The following CDH9 variants were observed in gnomAD, a reference collection of about 807,000 sequenced individuals.
CDH9 encodes the protein cadherin-9.
CDH9 carries 28 observed loss-of-function variants against 70.9 expected under a neutral mutation model. The observed-to-expected ratio is 0.40, with a 90% confidence interval of 0.29 to 0.54. The LOEUF is 0.54. Ranked by LOEUF, CDH9 falls within the 20% of genes least tolerant of loss-of-function variation. The probability of loss-of-function intolerance (pLI) is 0.59; values close to 1 mark genes in which losing one functional copy is unlikely to be tolerated. For synonymous variants in CDH9, 409 were observed against 343.1 expected (o/e 1.19, Z -2.12); for missense variants, 874 against 984.4 (o/e 0.89, Z 1.50).
chr5:26,935,520 T>C (rs1262613766), intron 2 of CDH9, among the ~76,000 whole-genome samples: 1 of 152,182 alleles, frequency 6.6e-6, no homozygotes, highest in Non-Finnish European at 1.5e-5. Context: ...CTTCTGGATC[T>C]AATCAGTGAA....
intron 2 of CDH9, among the ~76,000 whole-genome samples, chr5:26,919,893 C>G (rs75437740): frequency 6.6e-6 from 1 of 152,234 alleles, no homozygotes; most frequent in Non-Finnish European, 1.5e-5. Flanking sequence ...CAGTGGTAGG[C>G]AAGCAACACT....
chr5:26,996,055 C>T (rs919629107), intron 1 of CDH9, among the ~76,000 whole-genome samples: 75 of 151,994 alleles, frequency 4.9e-4, no homozygotes, highest in African/African-American at 1.8e-3. Flanking sequence ...ATATAAAATG[C>T]ACATCTAAAA....
At chr5:26,929,412 A>G (rs1741400635) in intron 2 of CDH9, among the ~76,000 whole-genome samples, 1 of 152,084 alleles carries the variant, frequency 6.6e-6, no homozygotes, top group African/African-American at 2.4e-5. Flanking sequence ...TAGTACCAAC[A>G]CTGTGGAAAG....
intron 1 of CDH9, among the ~76,000 whole-genome samples, chr5:27,002,235 C>G (rs569882511): frequency 6.6e-6 from 1 of 152,242 alleles, no homozygotes; most frequent in Admixed American, 6.5e-5. Context: ...CATCTCACAC[C>G]AGTTAGAATG....
intron 2 of CDH9, among the ~76,000 whole-genome samples, chr5:26,984,579 T>A (rs1419953773): frequency 6.6e-6 from 1 of 152,142 alleles, no homozygotes; most frequent in Non-Finnish European, 1.5e-5. Flanking sequence ...GACTTTGAAC[T>A]TATGTATAAC....
chr5:26,999,614 C>T (rs1487293283), intron 1 of CDH9, among the ~76,000 whole-genome samples: 1 of 152,002 alleles, frequency 6.6e-6, no homozygotes, highest in African/African-American at 2.4e-5. Flanking sequence ...GGGACAAAGG[C>T]AATTCAATGT....
At chr5:26,936,523 A>T (rs1176354056) in intron 2 of CDH9, among the ~76,000 whole-genome samples, 1 of 152,182 alleles carries the variant, frequency 6.6e-6, no homozygotes, top group East Asian at 1.9e-4. Flanking sequence ...AATTCCACTC[A>T]AAGTTAAAGC....
intron 1 of CDH9, among the ~76,000 whole-genome samples, chr5:27,035,706 GTGTGGGT>G (rs1743381994): frequency 6.7e-6 from 1 of 149,956 alleles, no homozygotes; most frequent in Non-Finnish European, 1.5e-5. Context: ...GTGTGTGTGT[GTGTGGGT>G]GTGTGTGGGT....
intron 1 of CDH9, among the ~76,000 whole-genome samples, chr5:27,016,270 G>C (rs539248778): frequency 6.6e-6 from 1 of 151,880 alleles, no homozygotes; most frequent in East Asian, 1.9e-4. Context: ...ACATTTAAAA[G>C]TCATTTTTAT....
chr5:26,924,303 G>T (rs1277061395), intron 2 of CDH9, among the ~76,000 whole-genome samples: 1 of 151,716 alleles, frequency 6.6e-6, no homozygotes, highest in African/African-American at 2.4e-5. Context: ...TAGAAGAAAT[G>T]AATAAATTTC....
chr5:27,009,406 G>A (rs1742919324), intron 1 of CDH9, among the ~76,000 whole-genome samples: 1 of 152,146 alleles, frequency 6.6e-6, no homozygotes, highest in Non-Finnish European at 1.5e-5. Flanking sequence ...ACCTCTAAAA[G>A]GAGAAGAAAG....
chr5:26,965,856 C>T (rs1050450689), intron 2 of CDH9, among the ~76,000 whole-genome samples: 2 of 152,032 alleles, frequency 1.3e-5, no homozygotes, highest in Non-Finnish European at 2.9e-5. Flanking sequence ...ACATCAAACT[C>T]ATAGACATTA....
At chr5:26,940,956 C>T (rs139456146) in intron 2 of CDH9, among the ~76,000 whole-genome samples, 285 of 152,234 alleles carry the variant, frequency 1.9e-3, no homozygotes, top group African/African-American at 6.0e-3. Flanking sequence ...AGGCTGAAGC[C>T]GATGTAATAG....
chr5:26,948,650 G>C (rs1382935), intron 2 of CDH9, among the ~76,000 whole-genome samples: 18,925 of 152,014 alleles, frequency 0.12, 3,921 homozygotes, highest in African/African-American at 0.43. Context: ...GTTTTCTACT[G>C]AAGATACAGG....
At chr5:26,931,533 G>C (rs1741461856) in intron 2 of CDH9, among the ~76,000 whole-genome samples, 1 of 152,254 alleles carries the variant, frequency 6.6e-6, no homozygotes, top group Non-Finnish European at 1.5e-5. Context: ...CAAAAATCAT[G>C]CATTAGAAGT....
intron 2 of CDH9, among the ~76,000 whole-genome samples, chr5:26,971,379 T>C (rs559425047): frequency 2.2e-4 from 33 of 152,222 alleles, no homozygotes; most frequent in African/African-American, 7.5e-4. Flanking sequence ...ACTACAGAAA[T>C]GTATTTTCAC....
intron 2 of CDH9, among the ~76,000 whole-genome samples, chr5:26,968,741 T>A (rs1742169612): frequency 6.6e-6 from 1 of 150,814 alleles, no homozygotes; most frequent in South Asian, 2.1e-4. Context: ...CAAGGGAAGC[T>A]TCTAGAATTC....
At chr5:27,032,579 C>A (rs1743327045) in intron 1 of CDH9, among the ~76,000 whole-genome samples, 1 of 151,532 alleles carries the variant, frequency 6.6e-6, no homozygotes, top group Non-Finnish European at 1.5e-5. Context: ...CCACTCCCTG[C>A]TTAATACATG....
At chr5:26,899,909 A>C (rs568122751) in intron 7 of CDH9, among the ~76,000 whole-genome samples, 1 of 151,740 alleles carries the variant, frequency 6.6e-6, no homozygotes. Flanking sequence ...AATATATAAA[A>C]CCAGAAGTTA....
Sources: allele counts gnomAD v4.1 joint callset (sites outside exome capture counted in the v4.1 genomes callset), GRCh38; gene constraint gnomAD v4.1.1; transcripts MANE v1.5; gene names NCBI Gene and HGNC (gene_info 2026-07-23, HGNC 2026-07-21).